The following CACNA1G variants were observed in gnomAD, a reference collection of about 807,000 sequenced individuals.
CACNA1G encodes calcium voltage-gated channel subunit alpha1 G.
A neutral mutation model predicts 219.4 loss-of-function variants in CACNA1G; 67 were observed. The observed-to-expected ratio is 0.31, with a 90% CI of 0.25 to 0.37. The LOEUF (loss-of-function observed/expected upper bound fraction) is 0.37. CACNA1G is among the 10% of genes least tolerant of loss of function. The pLI is 1.00. For missense variants in CACNA1G, 2,380 were observed against 3,231.4 expected (o/e 0.74, Z 6.39); for synonymous variants, 1,296 against 1,345.3 (o/e 0.96, Z 0.80).
intron 9 of CACNA1G, among the ~76,000 whole-genome samples, chr17:50,588,651 C>T (rs373101025): frequency 2.8e-4 from 42 of 152,166 alleles, no homozygotes; most frequent in Middle Eastern, 6.8e-3. Context: ...TCACAATCCA[C>T]GGAGCTACGA....
At chr17:50,583,243 G>T (rs962060304) in intron 9 of CACNA1G, among the ~76,000 whole-genome samples, 14 of 152,240 alleles carry the variant, frequency 9.2e-5, no homozygotes, top group African/African-American at 3.4e-4. Flanking sequence ...AGCTTTGGGG[G>T]ATGATCCTTT....
Position 50,626,486 on chromosome 17 carries a change from T to A in CACNA1G, c.6869T>A (p.Leu2290His). 1 of 1,593,276 alleles carries A rather than the reference T, an allele frequency of 6.3e-7. No individual in the cohort carries two copies. Among genetic ancestry groups the A allele is most frequent in the African/African-American group, 1.3e-5 (1 of 74,188 alleles). Reference protein sequence around the residue: ...QPHLGTDPSNLGGQPLGGPGS... With the variant: ...QPHLGTDPSNHGGQPLGGPGS... ...CACCTGGGCACAGACCCCTCTAACC[T>A]TGGGGGCCAGCCTCTTGGGGGGCCT... Residue 2290 changes from leucine to histidine, a missense_variant, in exon 38 of 38, where the codon CTT becomes CAT. Physicochemically the swap from Leu to His is moderately conservative, Grantham distance 99. Coordinates refer to ENST00000359106, the MANE Select transcript of CACNA1G (RefSeq NM_018896.5). The surrounding 1 kb of genome is among the most constrained non-coding windows in gnomAD (Gnocchi z 4.3).
rs7220644 is a variant in CACNA1G, at chr17:50,601,410, T to C, written c.3915+236T>C. 0.016 allele frequency among the ~76,000 whole-genome samples: 2,399 copies of C among 152,276 alleles called. 41 individuals carry two copies. Among genetic ancestry groups the C allele is most frequent in the African/African-American group, 0.055 (2,277 of 41,548 alleles). ...CAGCCCAGCTGGGTGCTTTGTCTCA[T>C]TCCAGGCTATTTCTCATGAGCCAGA... On this transcript the variant is annotated intron_variant, in intron 19 of 37. Coordinates refer to ENST00000359106, the MANE Select transcript of CACNA1G (RefSeq NM_018896.5).
At chr17:50,613,566 G>C (rs1248828804) in intron 26 of CACNA1G, among the ~76,000 whole-genome samples, 2 of 152,232 alleles carry the variant, frequency 1.3e-5, no homozygotes, top group South Asian at 2.1e-4. Flanking sequence ...GTGACGGGGA[G>C]AGGAGGGCAA....
At chr17:50,602,910 T>C in intron 20 of CACNA1G, 22 bp downstream of exon 20, 4 of 1,613,512 alleles carry the variant, frequency 2.5e-6, no homozygotes, top group African/African-American at 1.3e-5. Context: ...TGGTGTTGGC[T>C]TGGGACCTCT....
chr17:50,606,538 A>G (rs1471762496), intron 23 of CACNA1G: 2 of 557,168 alleles, frequency 3.6e-6, no homozygotes, highest in African/African-American at 3.8e-5. Context: ...TATTGTCAAG[A>G]TAATTCCTTT....
intron 34 of CACNA1G, among the ~76,000 whole-genome samples, chr17:50,620,794 T>C (rs1189288779): frequency 6.6e-6 from 1 of 152,220 alleles, no homozygotes; most frequent in Non-Finnish European, 1.5e-5. Flanking sequence ...GATCTGGCAA[T>C]GACCTAGAAT....
chr17:50,595,807 C>T (rs1381782919), intron 14 of CACNA1G, among the ~76,000 whole-genome samples: 2 of 152,346 alleles, frequency 1.3e-5, no homozygotes, highest in Non-Finnish European at 1.5e-5. Flanking sequence ...TTAAAGGCCT[C>T]GTTAGGGCTG....
chr17:50,597,821 G>A (rs1272495205), intron 16 of CACNA1G, among the ~76,000 whole-genome samples: 3 of 152,112 alleles, frequency 2.0e-5, no homozygotes, highest in Non-Finnish European at 1.5e-5. Context: ...CCCAGCCTCT[G>A]CTAATCACCA....
chr17:50,570,815 GA>G, intron 4 of CACNA1G, among the ~76,000 whole-genome samples: 1 of 152,302 alleles, frequency 6.6e-6, no homozygotes, highest in South Asian at 2.1e-4. Flanking sequence ...GCTGAAGGGG[GA>G]TGGGGTAGGA....
In CACNA1G at chr17:50,603,301, A is replaced by C; in HGVS notation, c.4169+102A>C. 1 of 970,284 alleles carries C rather than the reference A, an allele frequency of 1.0e-6. No individual in the cohort carries two copies. Among genetic ancestry groups the C allele is most frequent in the Non-Finnish European group, 1.5e-6 (1 of 653,724 alleles). 60.1% of individuals were successfully genotyped at this position (970,284 alleles called of 1,614,324 possible). ...CCTGCCACGAAACAAAAGCCTGCAC[A>C]GGCCAGCATCCTGTCTGTGACCCCC... On this transcript the variant is annotated intron_variant, in intron 21 of 37. Transcript: ENST00000359106. This position sits in a 1 kb window ranked among gnomAD's most constrained non-coding sequence, Gnocchi z 6.4.
intron 19 of CACNA1G, among the ~76,000 whole-genome samples, chr17:50,602,143 A>T (rs1439275980): frequency 6.6e-6 from 1 of 152,024 alleles, no homozygotes; most frequent in Non-Finnish European, 1.5e-5. Flanking sequence ...CACTGTCTCC[A>T]CGTCTCTCTC....
At chr17:50,604,369 G>A (rs1358097822) in intron 22 of CACNA1G, 88 bp downstream of exon 22, 3 of 1,487,196 alleles carry the variant, frequency 2.0e-6, no homozygotes, top group East Asian at 2.3e-5. Flanking sequence ...TCAAGCTGCT[G>A]TTGCTGCCTT....
Position 50,618,822 on chromosome 17 carries a change from C to T in CACNA1G, c.5595C>T (p.Ala1865=), listed in dbSNP as rs754931333. 21 of 1,613,752 alleles carry T rather than the reference C, an allele frequency of 1.3e-5. No individual in the cohort carries two copies. The highest frequency in any genetic ancestry group is 1.7e-5 in the Admixed American group (1 of 60,000). The stretch of plus-strand genomic sequence containing the variant: ...GCAACAAGGAGGCCAAGGAGGAGGC[C>T]GAGCTAGAGGCTGAGCTGGAGCTGG... ...EESNKEAKEE[A]ELEAELELEM... The change falls in exon 33 of 38, where the codon GCC becomes GCT. Residue 1865 remains alanine (A), a synonymous_variant. Coordinates refer to ENST00000359106, the MANE Select transcript of CACNA1G (RefSeq NM_018896.5). This position sits in a 1 kb window ranked among gnomAD's most constrained non-coding sequence, Gnocchi z 5.3.
At chr17:50,575,407 A>T in intron 7 of CACNA1G, 136 bp from the exon 8 acceptor site, 1 of 971,024 alleles carries the variant, frequency 1.0e-6, no homozygotes, top group Non-Finnish European at 1.5e-6. Flanking sequence ...AGGCTGTCTT[A>T]AAAATAAAAT....
chr17:50,606,361 A>G, intron 23 of CACNA1G: 1 of 611,060 alleles, frequency 1.6e-6, no homozygotes, highest in Non-Finnish European at 2.9e-6. Flanking sequence ...TCCTGTGCAA[A>G]TCCTGACCCC....
At chr17:50,573,915 C>T (rs1159758007) in intron 7 of CACNA1G, among the ~76,000 whole-genome samples, 1 of 152,224 alleles carries the variant, frequency 6.6e-6, no homozygotes, top group Non-Finnish European at 1.5e-5. Flanking sequence ...GCATTTAATC[C>T]TCACCGTGAT....
rs891840320 is a variant in CACNA1G, at chr17:50,621,335, G to C, written c.5926-325G>C. 6.6e-6 allele frequency among the ~76,000 whole-genome samples: 1 copy of C among 152,074 alleles called. No homozygotes were observed. The highest frequency in any genetic ancestry group is 2.4e-5 in the African/African-American group (1 of 41,388). ...GGTCCTCCCGCTCCCTCCCTGGGTG[G>C]TGGTAGTGTGGGAGGGGCTGGGGAG... is the stretch of plus-strand genomic sequence containing the variant. On this transcript the variant is annotated intron_variant, in intron 34 of 37. Coordinates refer to ENST00000359106, the MANE Select transcript of CACNA1G (RefSeq NM_018896.5). The surrounding 1 kb of genome is among the most constrained non-coding windows in gnomAD (Gnocchi z 4.6).
chr17:50,625,681 C>T (rs1200539514), intron 37 of CACNA1G, among the ~76,000 whole-genome samples: 1 of 152,052 alleles, frequency 6.6e-6, no homozygotes, highest in African/African-American at 2.4e-5. Flanking sequence ...GGCGGGGAGG[C>T]GTGAAGGAGC....
Sources: allele counts gnomAD v4.1 joint callset (sites outside exome capture counted in the v4.1 genomes callset), GRCh38; gene constraint gnomAD v4.1.1; non-coding constraint Gnocchi (gnomAD v3.1); transcripts MANE v1.5; gene names NCBI Gene and HGNC (gene_info 2026-07-23, HGNC 2026-07-21).